The following ZC3H12B variants were observed in gnomAD, a reference collection of about 807,000 sequenced individuals.
The protein encoded by ZC3H12B is zinc finger CCCH-type containing 12B, also known as probable ribonuclease ZC3H12B.
Under a neutral mutation model 43.9 loss-of-function variants are expected in ZC3H12B, and 7 were observed. The ratio of observed to expected loss-of-function variants is 0.16; its 90% CI spans 0.09 to 0.30. The LOEUF is 0.30. Ranked by LOEUF, ZC3H12B falls within the 10% of genes least tolerant of loss-of-function variation. The pLI, the probability that ZC3H12B is intolerant of heterozygous loss-of-function variation, is 1.00. For missense variants in ZC3H12B, 475 were observed against 670.2 expected, an observed-to-expected ratio of 0.71 and a Z score of 3.22; for synonymous variants, 222 against 241.7, an observed-to-expected ratio of 0.92 and a Z score of 0.76.
At chrX:65,161,142 C>T in the ZC3H12B span, among the ~76,000 whole-genome samples, 1 of 111,277 alleles carries the variant, frequency 9.0e-6, no homozygotes, top group African/African-American at 3.3e-5. Context: ...GTTATAATTT[C>T]TGTTCTTTTA....
At chrX:65,073,846 C>T in the ZC3H12B span, among the ~76,000 whole-genome samples, 1 of 111,647 alleles carries the variant, frequency 9.0e-6, no homozygotes, top group Non-Finnish European at 1.9e-5. Flanking sequence ...AGTCCTGGTG[C>T]ACTGTAGCCC....
the ZC3H12B span, among the ~76,000 whole-genome samples, chrX:65,086,911 G>A: frequency 1.8e-5 from 2 of 111,245 alleles, no homozygotes; most frequent in African/African-American, 3.3e-5. Flanking sequence ...CTCTGATACC[G>A]AATGCTGGGC....
intron 3 of ZC3H12B, among the ~76,000 whole-genome samples, chrX:65,431,844 C>G (rs1222580429): frequency 1.8e-5 from 2 of 112,233 alleles, no homozygotes; most frequent in African/African-American, 6.5e-5. Context: ...AAATTAACAA[C>G]AAAGTACAGT....
At chrX:65,070,913 ATGTATACTC>A in the ZC3H12B span, among the ~76,000 whole-genome samples, 6 of 106,893 alleles carry the variant, frequency 5.6e-5, no homozygotes, top group South Asian at 1.7e-3. Context: ...AATGAAAATA[ATGTATACTC>A]TGTTGTCTTT....
chrX:65,083,188 CT>C, the ZC3H12B span, among the ~76,000 whole-genome samples: 20 of 110,988 alleles, frequency 1.8e-4, no homozygotes, highest in Middle Eastern at 4.6e-3. Context: ...AGCTTTTCCT[CT>C]AGACTCGGGA....
At chrX:65,059,605 G>GT in the ZC3H12B span, among the ~76,000 whole-genome samples, 16 of 111,072 alleles carry the variant, frequency 1.4e-4, no homozygotes, top group Admixed American at 9.6e-4. Context: ...CAGTACCATG[G>GT]TTTTTTGGTT....
At chrX:65,230,099 G>A in the ZC3H12B span, among the ~76,000 whole-genome samples, 29 of 110,671 alleles carry the variant, frequency 2.6e-4, no homozygotes, top group African/African-American at 5.6e-4. Flanking sequence ...TGTTTATTGC[G>A]GCACTATTCA....
the ZC3H12B span, among the ~76,000 whole-genome samples, chrX:65,039,785 C>A: frequency 6.9e-3 from 765 of 111,674 alleles, 9 homozygotes; most frequent in African/African-American, 0.024. Flanking sequence ...AATACTGTGA[C>A]TAAATCAGGC....
At chrX:65,058,680 T>A in the ZC3H12B span, among the ~76,000 whole-genome samples, 2 of 111,412 alleles carry the variant, frequency 1.8e-5, no homozygotes, top group African/African-American at 6.5e-5. Flanking sequence ...AGAGGTGGAG[T>A]CTACAGAGTC....
the ZC3H12B span, among the ~76,000 whole-genome samples, chrX:65,267,382 A>G: frequency 9.2e-6 from 1 of 109,233 alleles, no homozygotes; most frequent in African/African-American, 3.3e-5. Flanking sequence ...GCAACAACAA[A>G]CTCTGTAGAA....
chrX:65,212,873 T>G, the ZC3H12B span, among the ~76,000 whole-genome samples: 1 of 106,363 alleles, frequency 9.4e-6, no homozygotes, highest in African/African-American at 3.4e-5. Context: ...CTGGATAGTC[T>G]GTAAATATTT....
the ZC3H12B span, among the ~76,000 whole-genome samples, chrX:65,053,639 G>A: frequency 2.7e-5 from 3 of 111,221 alleles, no homozygotes; most frequent in East Asian, 8.5e-4. Context: ...GGGATGGCTG[G>A]GTCAAATGGT....
the ZC3H12B span, among the ~76,000 whole-genome samples, chrX:65,184,342 A>G: frequency 1.2e-4 from 13 of 111,414 alleles, no homozygotes; most frequent in East Asian, 5.6e-4. Flanking sequence ...GTTATATTTT[A>G]CAGAGTCCTT....
At chrX:65,069,049 G>C in the ZC3H12B span, among the ~76,000 whole-genome samples, 1 of 109,271 alleles carries the variant, frequency 9.2e-6, no homozygotes, top group Non-Finnish European at 1.9e-5. Context: ...GTGATTTTAG[G>C]GATTTTTCTT....
the ZC3H12B span, among the ~76,000 whole-genome samples, chrX:65,345,136 G>A: frequency 1.8e-5 from 2 of 112,342 alleles, no homozygotes; most frequent in African/African-American, 6.5e-5. Flanking sequence ...AAAGTGGTGT[G>A]TCATTTCCAC....
chrX:65,213,298 C>G, the ZC3H12B span, among the ~76,000 whole-genome samples: 3 of 110,370 alleles, frequency 2.7e-5, no homozygotes, highest in Non-Finnish European at 5.7e-5. Flanking sequence ...TTATTCACTC[C>G]TTTAGTGATG....
At chrX:65,067,927 GTTATA>G in the ZC3H12B span, among the ~76,000 whole-genome samples, 12 of 109,820 alleles carry the variant, frequency 1.1e-4, no homozygotes, top group African/African-American at 4.0e-4. Context: ...GTTTTGGTAT[GTTATA>G]TTCTATTATC....
At chrX:65,195,573 T>C in the ZC3H12B span, among the ~76,000 whole-genome samples, 1 of 112,488 alleles carries the variant, frequency 8.9e-6, no homozygotes, top group Admixed American at 9.4e-5. Flanking sequence ...TATTGTATTT[T>C]GTTAGGATTC....
intron 3 of ZC3H12B, among the ~76,000 whole-genome samples, chrX:65,461,114 A>G (rs1233341261): frequency 8.9e-6 from 1 of 112,587 alleles, no homozygotes; most frequent in African/African-American, 3.2e-5. Context: ...AATGCTCATC[A>G]TCACTGGCCA....
Sources: gnomAD v4.1 joint callset for allele counts (sites outside exome capture counted in the v4.1 genomes callset) on GRCh38, gnomAD v4.1.1 for gene constraint, MANE v1.5 for transcripts, NCBI Gene and HGNC (gene_info 2026-07-23, HGNC 2026-07-21) for gene names.